The following UBE2J1 variants were observed in gnomAD, a reference collection of about 807,000 sequenced individuals.
UBE2J1 encodes the protein ubiquitin-conjugating enzyme E2 J1.
In UBE2J1, 17 loss-of-function variants were observed where a neutral mutation model predicts 42.1. The observed-to-expected ratio is 0.40, with a 90% confidence interval of 0.28 to 0.61. The LOEUF (loss-of-function observed/expected upper bound fraction) is 0.61, where lower values mean the gene tolerates loss of function less well. UBE2J1 is among the 20% of genes least tolerant of loss of function. The pLI is 0.38. For missense variants in UBE2J1, 291 were observed against 389.4 expected (o/e 0.75, Z 2.13); for synonymous variants, 127 against 137.2 (o/e 0.93, Z 0.52).
chr6:89,339,103 G>A (rs1479452527), intron 3 of UBE2J1, among the ~76,000 whole-genome samples: 1 of 151,930 alleles, frequency 6.6e-6, no homozygotes, highest in African/African-American at 2.4e-5. Flanking sequence ...AAACTGAGTT[G>A]CACAAGTGAA....
At chr6:89,344,540 C>CCCA (rs1768321432) in intron 1 of UBE2J1, among the ~76,000 whole-genome samples, 1 of 152,178 alleles carries the variant, frequency 6.6e-6, no homozygotes, top group Non-Finnish European at 1.5e-5. Context: ...CTGTGCCTGA[C>CCCA]CCAACCCAAC....
At chr6:89,330,194 A>C (rs1484623248) in intron 7 of UBE2J1, among the ~76,000 whole-genome samples, 1 of 152,216 alleles carries the variant, frequency 6.6e-6, no homozygotes, top group African/African-American at 2.4e-5. Flanking sequence ...ATATTTAGAA[A>C]AACAATCCCT....
chr6:89,352,243 C>CAA (rs1173612462), intron 1 of UBE2J1, among the ~76,000 whole-genome samples: 1 of 152,232 alleles, frequency 6.6e-6, no homozygotes, highest in African/African-American at 2.4e-5. Flanking sequence ...ATCACCTTTA[C>CAA]ACCTGTTCTC....
At position 89,329,556 on chromosome 6, in the gene UBE2J1, G is replaced by T. The variant is rs1246123842; in HGVS notation, c.*123C>A. ...GATATATTTATACTAAACTTACAAGGATCAAAAAAAGGAATGAAGGGTAAA... is the reference window on the plus strand; with the variant it reads ...GATATATTTATACTAAACTTACAAGTATCAAAAAAAGGAATGAAGGGTAAA... On this transcript the variant is annotated 3_prime_UTR_variant, in exon 8 of 8. Transcript: ENST00000435041. The T allele has an allele frequency of 1.9e-6, 2 of 1,058,430 alleles. No individual in the cohort carries two copies. Among genetic ancestry groups the T allele is most frequent in the African/African-American group, 1.6e-5 (1 of 61,894 alleles). The allele number at this position is 1,058,430 out of a possible 1,614,324, so 65.6% of individuals were successfully genotyped here.
At chr6:89,346,915 C>G (rs2127872869) in intron 1 of UBE2J1, among the ~76,000 whole-genome samples, 1 of 152,236 alleles carries the variant, frequency 6.6e-6, no homozygotes, top group South Asian at 2.1e-4. Flanking sequence ...TGTAGCAGTA[C>G]AGTCTCCTCA....
At position 89,334,474 on chromosome 6, in the gene UBE2J1, C is replaced by CT. The variant is rs763354270; in HGVS notation, c.558+827dup. Among the ~76,000 whole-genome samples, 628 of 138,436 alleles carry CT rather than the reference C, an allele frequency of 4.5e-3. 3 individuals carry two copies. The highest frequency in any genetic ancestry group is 0.013 in the African/African-American group (493 of 37,996). The allele number at this position is 138,436 out of a possible 152,430, so 90.8% of individuals were successfully genotyped here. On this transcript the variant is annotated intron_variant, in intron 6 of 7. Transcript: ENST00000435041. ...GAATGTCATTTTCTTTTTCTTTTTTCTTTTTTTTTTTTTTGAGATGGAGTT... is the reference window on the plus strand; with the variant it reads ...GAATGTCATTTTCTTTTTCTTTTTTCTTTTTTTTTTTTTTTGAGATGGAGTT...
In UBE2J1 at chr6:89,327,114, G is replaced by A. The variant is rs116816999; in HGVS notation, c.*2565C>T. 1 of 152,272 alleles carries A rather than the reference G, an allele frequency of 6.6e-6. No individual in the cohort carries two copies. Among genetic ancestry groups the A allele is most frequent in the Non-Finnish European group, 1.5e-5 (1 of 67,988 alleles). 9.4% of individuals were successfully genotyped at this position (152,272 alleles called of 1,614,324 possible). ...ACAATAAGCAGCATGAAAACGTAAA[G>A]TGCTACATAAAAGCCCCACATTACA... is the stretch of plus-strand genomic sequence containing the variant. On this transcript the variant is annotated 3_prime_UTR_variant, in exon 8 of 8. Transcript: ENST00000435041.
At chr6:89,338,124 G>C in intron 5 of UBE2J1, 81 bp downstream of exon 5, 13 of 883,602 alleles carry the variant, frequency 1.5e-5, no homozygotes, top group Non-Finnish European at 2.3e-5. Context: ...AAGTCACATA[G>C]TAAGAGGTAG....
intron 1 of UBE2J1, among the ~76,000 whole-genome samples, chr6:89,346,217 T>C (rs1768362832): frequency 2.0e-5 from 3 of 152,120 alleles, no homozygotes; most frequent in African/African-American, 7.2e-5. Flanking sequence ...ATTATTAATA[T>C]TCTTTTCCAT....
intron 1 of UBE2J1, 91 bp from the exon 2 acceptor site, chr6:89,343,847 A>C: frequency 1.0e-6 from 1 of 962,562 alleles, no homozygotes; most frequent in Non-Finnish European, 1.5e-6. Flanking sequence ...AAATGTGTAG[A>C]GAACTAGTGC....
At position 89,338,283 on chromosome 6, in the gene UBE2J1, C is replaced by A; in HGVS notation, c.350G>T (p.Gly117Val). Residue 117 changes from glycine to valine, a missense_variant, in exon 5 of 8, where the codon GGG becomes GTG. Around this residue, in one of 2 missense-constraint regions of UBE2J1, gnomAD observed 115 missense variants for 193.1 expected, o/e 0.60. Transcript: ENST00000435041. The stretch of plus-strand genomic sequence containing the variant: ...TCCCTCTCCTTTTGTTGGCATAAAC[C>A]CAATGATGGCTAATAATGCTGTCCT... Reference protein sequence around the residue: ...SIRTALLAIIGFMPTKGEGAI... With the variant: ...SIRTALLAIIVFMPTKGEGAI... The A allele has an allele frequency of 6.2e-7, 1 of 1,613,582 alleles. No homozygotes were observed. The highest frequency in any genetic ancestry group is 1.7e-5 in the Admixed American group (1 of 59,994).
chr6:89,335,950 T>C (rs1768099931), intron 5 of UBE2J1, among the ~76,000 whole-genome samples: 1 of 152,210 alleles, frequency 6.6e-6, no homozygotes, highest in Non-Finnish European at 1.5e-5. Context: ...AATTTATTGC[T>C]GATTATACAT....
intron 5 of UBE2J1, among the ~76,000 whole-genome samples, chr6:89,336,475 T>TA (rs1477441695): frequency 1.7e-4 from 8 of 46,872 alleles, no homozygotes; most frequent in African/African-American, 3.8e-4. Flanking sequence ...TTTATTTTAT[T>TA]TTTTTTTTTT....
At chr6:89,341,959 G>A (rs565789388) in intron 3 of UBE2J1, among the ~76,000 whole-genome samples, 4 of 152,276 alleles carry the variant, frequency 2.6e-5, no homozygotes, top group African/African-American at 4.8e-5. Flanking sequence ...GAGGAAGAGA[G>A]TGTAAGAAAG....
chr6:89,352,438 G>A, intron 1 of UBE2J1, 101 bp downstream of exon 1: 1 of 1,348,662 alleles, frequency 7.4e-7, no homozygotes, highest in Non-Finnish European at 1.0e-6. Flanking sequence ...ACCAGGAGCT[G>A]AGCCGCGAGT....
At chr6:89,335,249 A>G in intron 6 of UBE2J1, 53 bp downstream of exon 6, 1 of 1,490,222 alleles carries the variant, frequency 6.7e-7, no homozygotes, top group Non-Finnish European at 9.0e-7. Context: ...TGCAGAATCC[A>G]GCAGTAAACA....
chr6:89,330,240 G>A (rs146216294), intron 7 of UBE2J1, among the ~76,000 whole-genome samples: 424 of 152,102 alleles, frequency 2.8e-3, no homozygotes, highest in Non-Finnish European at 4.7e-3. Flanking sequence ...TAACACATAC[G>A]CTTAATGAAA....
intron 1 of UBE2J1, among the ~76,000 whole-genome samples, chr6:89,349,063 C>T (rs1768415216): frequency 6.6e-6 from 1 of 152,128 alleles, no homozygotes; most frequent in South Asian, 2.1e-4. Flanking sequence ...TGGTGAAACC[C>T]TCGTCTCTAC....
intron 7 of UBE2J1, among the ~76,000 whole-genome samples, chr6:89,332,199 G>A (rs551066340): frequency 2.0e-5 from 3 of 152,160 alleles, no homozygotes; most frequent in South Asian, 4.1e-4. Flanking sequence ...CAATAAACTG[G>A]AGAAACAACA....
Sources: allele counts gnomAD v4.1 joint callset (sites outside exome capture counted in the v4.1 genomes callset), GRCh38; gene constraint gnomAD v4.1.1; regional missense constraint gnomAD v4.1.1; transcripts MANE v1.5; gene names NCBI Gene and HGNC (gene_info 2026-07-23, HGNC 2026-07-21).